Variants in HERC3 observed in about 807,000 individuals in gnomAD.
HERC3 encodes HECT and RLD domain containing E3 ubiquitin protein ligase 3.
HERC3 carries 58 observed loss-of-function variants against 129.9 expected under a neutral mutation model. The observed-to-expected ratio is 0.45, with a 90% CI of 0.36 to 0.56. The LOEUF (loss-of-function observed/expected upper bound fraction) is 0.56, where lower values mean the gene tolerates loss of function less well. HERC3 is among the 20% of genes least tolerant of loss of function. The probability of loss-of-function intolerance (pLI) is 0.00; values close to 1 mark genes in which losing one functional copy is unlikely to be tolerated. For synonymous variants in HERC3, 430 were observed against 451.0 expected (o/e 0.95, Z 0.59); for missense variants, 835 against 1,244.2 (o/e 0.67, Z 4.95).
intron 2 of HERC3, among the ~76,000 whole-genome samples, chr4:88,602,587 C>G (rs1399450342): frequency 6.6e-6 from 1 of 151,970 alleles, no homozygotes; most frequent in African/African-American, 2.4e-5. Context: ...AAACGATCCT[C>G]TCACCCCAGC....
Position 88,654,170 on chromosome 4 carries a change from A to G in HERC3, c.777+37A>G, listed in dbSNP as rs749238112. ...AGAGTATTTTACTTTGGTGCTGGGGATATGATGGGTGATTAGAATTGCTTG... is the reference window on the plus strand; with the variant it reads ...AGAGTATTTTACTTTGGTGCTGGGGGTATGATGGGTGATTAGAATTGCTTG... On this transcript the variant is annotated intron_variant, in intron 7 of 25. Transcript: ENST00000402738. 1.1e-5 allele frequency: 15 copies of G among 1,396,424 alleles called. No individual in the cohort carries two copies. The Admixed American group carries it at 1.3e-4, about 13-fold the overall frequency. The allele number at this position is 1,396,424 out of a possible 1,614,324, so 86.5% of individuals were successfully genotyped here.
chr4:88,652,215 G>A, intron 5 of HERC3, 127 bp downstream of exon 5: 2 of 689,168 alleles, frequency 2.9e-6, no homozygotes, highest in Non-Finnish European at 2.6e-6. Context: ...ATTGCTGTTG[G>A]ACAGTGACAA....
At chr4:88,592,253 T>G (rs1481112096), upstream of HERC3, among the ~76,000 whole-genome samples, 1 of 152,216 alleles carries the variant, frequency 6.6e-6, no homozygotes, top group East Asian at 1.9e-4. Flanking sequence ...CCCGTGCCGC[T>G]GTCCCCGCGC....
chr4:88,608,071 A>T (rs1723871151), intron 3 of HERC3, among the ~76,000 whole-genome samples: 1 of 152,114 alleles, frequency 6.6e-6, no homozygotes, highest in South Asian at 2.1e-4. Flanking sequence ...TACGAATTAA[A>T]TTTTTTCTGT....
chr4:88,552,482 A>T, the HERC3 span, among the ~76,000 whole-genome samples: 2 of 152,020 alleles, frequency 1.3e-5, no homozygotes, highest in Admixed American at 1.3e-4. Flanking sequence ...TGAATTCCTG[A>T]CCTCAAGTGA....
the HERC3 span, among the ~76,000 whole-genome samples, chr4:88,564,783 G>A: frequency 6.6e-6 from 1 of 151,850 alleles, no homozygotes; most frequent in Admixed American, 6.6e-5. Context: ...AGTTTGGGTT[G>A]CTCTTTTCTA....
At chr4:88,692,049 A>T (rs1056697265) in intron 23 of HERC3, among the ~76,000 whole-genome samples, 2 of 152,214 alleles carry the variant, frequency 1.3e-5, no homozygotes, top group African/African-American at 4.8e-5. Context: ...GAACCTACAC[A>T]GTCAAATGAG....
intron 3 of HERC3, among the ~76,000 whole-genome samples, chr4:88,614,406 T>C (rs560480220): frequency 1.3e-5 from 2 of 152,354 alleles, no homozygotes; most frequent in East Asian, 1.9e-4. Context: ...GATAAGATTT[T>C]ATTGTCAAAC....
At chr4:88,568,338 G>T in the HERC3 span, among the ~76,000 whole-genome samples, 2 of 151,882 alleles carry the variant, frequency 1.3e-5, no homozygotes, top group South Asian at 2.1e-4. Flanking sequence ...GGTGAGTCCC[G>T]CCAGGCTTCT....
At chr4:88,655,089 T>C in intron 7 of HERC3, 85 bp from the exon 8 acceptor site, 1 of 1,407,886 alleles carries the variant, frequency 7.1e-7, no homozygotes, top group Non-Finnish European at 9.8e-7. Context: ...TTGTGCACAT[T>C]GTTGTGATAG....
intron 23 of HERC3, chr4:88,689,965 C>G (rs1733906574): frequency 2.0e-6 from 2 of 982,882 alleles, no homozygotes; most frequent in South Asian, 9.4e-5. Flanking sequence ...TGTTAACCTT[C>G]CAGACTATCC....
At chr4:88,621,718 G>A (rs921914210) in intron 3 of HERC3, among the ~76,000 whole-genome samples, 1 of 152,228 alleles carries the variant, frequency 6.6e-6, no homozygotes, top group Non-Finnish European at 1.5e-5. Context: ...CAGCAGGTTT[G>A]TCTGATTTGT....
chr4:88,581,305 TTA>T, the HERC3 span, among the ~76,000 whole-genome samples: 2 of 150,050 alleles, frequency 1.3e-5, no homozygotes, highest in East Asian at 4.6e-4. Context: ...ATTATTATTA[TTA>T]TTTTTTTTTT....
chr4:88,554,087 C>G, the HERC3 span, among the ~76,000 whole-genome samples: 1 of 152,160 alleles, frequency 6.6e-6, no homozygotes, highest in Non-Finnish European at 1.5e-5. Flanking sequence ...GTGGCTCACA[C>G]CTGTAATCCC....
At chr4:88,572,533 G>A in the HERC3 span, among the ~76,000 whole-genome samples, 1 of 151,976 alleles carries the variant, frequency 6.6e-6, no homozygotes, top group Non-Finnish European at 1.5e-5. Context: ...TCTTTTGGCC[G>A]AGTGTGGTGG....
At chr4:88,693,228 T>C (rs1734256335) in intron 23 of HERC3, 1 of 978,618 alleles carries the variant, frequency 1.0e-6, no homozygotes, top group Non-Finnish European at 1.2e-6. Flanking sequence ...AATAAGACTA[T>C]ATCAAGTATC....
At chr4:88,573,422 A>G in the HERC3 span, among the ~76,000 whole-genome samples, 2 of 152,314 alleles carry the variant, frequency 1.3e-5, no homozygotes, top group Admixed American at 1.3e-4. Context: ...ATAACCATTT[A>G]TTTACACTGC....
chr4:88,540,186 A>C, the HERC3 span, among the ~76,000 whole-genome samples: 1 of 152,214 alleles, frequency 6.6e-6, no homozygotes, highest in Non-Finnish European at 1.5e-5. Flanking sequence ...GAGGTTAAAA[A>C]TCTTGAAAAA....
At chr4:88,695,516 T>C (rs1734515157) in intron 23 of HERC3, among the ~76,000 whole-genome samples, 1 of 152,186 alleles carries the variant, frequency 6.6e-6, no homozygotes, top group African/African-American at 2.4e-5. Context: ...CAAGATAGTT[T>C]ATTTAATTTC....
Sources: gnomAD v4.1 joint callset for allele counts (sites outside exome capture counted in the v4.1 genomes callset) on GRCh38, gnomAD v4.1.1 for gene constraint, MANE v1.5 for transcripts, NCBI Gene and HGNC (gene_info 2026-07-23, HGNC 2026-07-21) for gene names.